AFAP1L1: variants seen among roughly 807,000 people sequenced by gnomAD.
AFAP1L1 encodes the protein actin filament associated protein 1 like 1.
A neutral mutation model predicts 99.8 loss-of-function variants in AFAP1L1; 77 were observed. That is an observed-to-expected ratio of 0.77 (90% CI 0.64 to 0.93). The LOEUF (loss-of-function observed/expected upper bound fraction) is 0.93, where lower values mean the gene tolerates loss of function less well. Ranked by LOEUF, AFAP1L1 falls within the 40% of genes least tolerant of loss-of-function variation. The probability of loss-of-function intolerance (pLI) is 0.00; values close to 1 mark genes in which losing one functional copy is unlikely to be tolerated. For missense variants in AFAP1L1, 893 were observed against 996.8 expected (o/e 0.90, Z 1.40); for synonymous variants, 373 against 395.3 (o/e 0.94, Z 0.67).
intron 1 of AFAP1L1, among the ~76,000 whole-genome samples, chr5:149,272,333 C>G (rs1193990418): frequency 6.6e-6 from 1 of 152,222 alleles, no homozygotes; most frequent in East Asian, 1.9e-4. Flanking sequence ...ACAAGGTGTA[C>G]AGGTTCAACT....
rs1378829117 is a variant in AFAP1L1 at position 149,320,390 on chromosome 5, G to C, written c.1626-1G>C. On this transcript the variant is annotated splice_acceptor_variant, in intron 13 of 18. Transcript: ENST00000296721. LOFTEE classifies it high-confidence loss of function. The surrounding 1 kb of genome is among the most constrained non-coding windows in gnomAD (Gnocchi z 4.0). ...TTGTCATCGTACATTTTATTTTCTA[G>C]ATATGCAAGATCCTGCCAGAATCAG... 1 of 1,613,886 alleles carries C rather than the reference G, an allele frequency of 6.2e-7. No homozygotes were observed. The highest frequency in any genetic ancestry group is 1.3e-5 in the African/African-American group (1 of 74,926).
intron 1 of AFAP1L1, among the ~76,000 whole-genome samples, chr5:149,285,406 A>G (rs558634114): frequency 6.6e-6 from 1 of 152,270 alleles, no homozygotes; most frequent in East Asian, 1.9e-4. Flanking sequence ...GTCTTCATAC[A>G]TTGTCTCCCT....
intron 6 of AFAP1L1, among the ~76,000 whole-genome samples, chr5:149,306,973 G>A (rs1756434614): frequency 6.6e-6 from 1 of 152,110 alleles, no homozygotes; most frequent in Admixed American, 6.5e-5. Flanking sequence ...CCAGCCAGGT[G>A]TGGTGGCTCA....
chr5:149,285,753 C>T (rs10477414), intron 1 of AFAP1L1, among the ~76,000 whole-genome samples: 11,632 of 152,204 alleles, frequency 0.076, 547 homozygotes, highest in African/African-American at 0.13. Context: ...ATGTCTGCTC[C>T]CCAAGGCCCC....
chr5:149,325,981 A>G (rs1757083319), intron 15 of AFAP1L1, among the ~76,000 whole-genome samples: 1 of 152,186 alleles, frequency 6.6e-6, no homozygotes, highest in African/African-American at 2.4e-5. Flanking sequence ...GAGGGTACGA[A>G]CATTCAAACC....
At chr5:149,305,922 C>T (rs1756395786) in intron 5 of AFAP1L1, among the ~76,000 whole-genome samples, 1 of 144,262 alleles carries the variant, frequency 6.9e-6, no homozygotes, top group African/African-American at 2.7e-5. Context: ...ACACACACAC[C>T]ATGCACACAT....
Position 149,343,524 on chromosome 5 carries a change from T to C in AFAP1L1, c.*3494T>C, listed in dbSNP as rs1221596488. ...ACAAATACTTGAGTACCTACTATAC[T>C]AGATGTCAGAAATCAGTGGTGAACA... On this transcript the variant is annotated 3_prime_UTR_variant, in exon 19 of 19. Transcript: ENST00000296721. Among the ~76,000 whole-genome samples the C allele has an allele frequency of 1.3e-5, 2 of 152,102 alleles. No homozygotes were observed. Among genetic ancestry groups the C allele is most frequent in the Non-Finnish European group, 2.9e-5 (2 of 68,034 alleles).
intron 8 of AFAP1L1, among the ~76,000 whole-genome samples, chr5:149,311,323 C>T (rs975898799): frequency 6.6e-6 from 1 of 152,166 alleles, no homozygotes; most frequent in Non-Finnish European, 1.5e-5. Flanking sequence ...GGTCGGCAGA[C>T]GAATCCCTAG....
chr5:149,332,749 G>C lies in AFAP1L1; in HGVS notation c.2030G>C (p.Arg677Pro). 1.2e-6 allele frequency: 2 copies of C among 1,613,880 alleles called. No individual in the cohort carries two copies. The highest frequency in any genetic ancestry group is 2.2e-5 in the East Asian group (1 of 44,882). ...EAVATLEAQC[R>P]AKEERRIDLE... ...GTGGCCACCCTGGAAGCTCAGTGTC[G>C]GGCAAAGGAGGAGCGCCGGATTGAC... The change falls in exon 17 of 19, where the codon CGG becomes CCG. Residue 677 changes from arginine to proline, a missense_variant. By Grantham distance (103) the Arg-to-Pro change is moderately radical. Coordinates refer to ENST00000296721, the MANE Select transcript of AFAP1L1 (RefSeq NM_152406.4).
chr5:149,275,619 C>T (rs1755293397), intron 1 of AFAP1L1, among the ~76,000 whole-genome samples: 1 of 152,148 alleles, frequency 6.6e-6, no homozygotes, highest in African/African-American at 2.4e-5. Flanking sequence ...CATTCTCCTG[C>T]CTCAGCCTCC....
At chr5:149,328,501 G>C (rs1757296507) in intron 15 of AFAP1L1, among the ~76,000 whole-genome samples, 1 of 152,070 alleles carries the variant, frequency 6.6e-6, no homozygotes, top group Admixed American at 6.6e-5. Context: ...AACAATAAAA[G>C]AAAATTAATT....
chr5:149,272,062 G>C, intron 1 of AFAP1L1, 78 bp downstream of exon 1: 1 of 1,207,724 alleles, frequency 8.3e-7, no homozygotes, highest in Non-Finnish European at 1.0e-6. Flanking sequence ...AGCCGGAGAG[G>C]AGGAGGGAGA....
intron 2 of AFAP1L1, 101 bp downstream of exon 2, chr5:149,299,738 C>G (rs171286): frequency 0.83 from 1,272,974 of 1,525,452 alleles, 534,193 homozygotes; most frequent in Admixed American, 0.86. Context: ...CGCCCCACCC[C>G]CACCCCCAGG....
chr5:149,297,224 C>T (rs1205661284), intron 1 of AFAP1L1, among the ~76,000 whole-genome samples: 2 of 152,184 alleles, frequency 1.3e-5, no homozygotes, highest in African/African-American at 4.8e-5. Context: ...GAAACATATT[C>T]ATCCAGAACC....
At chr5:149,328,815 A>G (rs960748515) in intron 15 of AFAP1L1, among the ~76,000 whole-genome samples, 1 of 152,212 alleles carries the variant, frequency 6.6e-6, no homozygotes, top group Non-Finnish European at 1.5e-5. Flanking sequence ...CTCTGTCTCA[A>G]AATAAATAAA....
chr5:149,306,481 G>C, intron 6 of AFAP1L1, 77 bp downstream of exon 6: 2 of 1,335,256 alleles, frequency 1.5e-6, no homozygotes. Flanking sequence ...CTGGCCCTTA[G>C]CATGGGTGTG....
intron 12 of AFAP1L1, among the ~76,000 whole-genome samples, chr5:149,318,409 C>T (rs1235141504): frequency 6.6e-6 from 1 of 152,178 alleles, no homozygotes; most frequent in Non-Finnish European, 1.5e-5. Context: ...CCAGTACCCT[C>T]CTCTGGTGGA....
At chr5:149,291,821 T>C (rs1227897249) in intron 1 of AFAP1L1, among the ~76,000 whole-genome samples, 1 of 152,198 alleles carries the variant, frequency 6.6e-6, no homozygotes, top group African/African-American at 2.4e-5. Flanking sequence ...GAGATGGAAA[T>C]TGGGTCATTT....
At chr5:149,273,395 G>A (rs1424236971) in intron 1 of AFAP1L1, among the ~76,000 whole-genome samples, 2 of 152,012 alleles carry the variant, frequency 1.3e-5, no homozygotes, top group African/African-American at 4.8e-5. Flanking sequence ...CCGGGAGCAG[G>A]TGTGGGGTAA....
Sources: gnomAD v4.1 joint callset for allele counts (sites outside exome capture counted in the v4.1 genomes callset) on GRCh38, gnomAD v4.1.1 for gene constraint, Gnocchi (gnomAD v3.1) non-coding constraint, MANE v1.5 for transcripts, NCBI Gene and HGNC (gene_info 2026-07-23, HGNC 2026-07-21) for gene names.